The following ADAP1 variants were observed in gnomAD, a reference collection of about 807,000 sequenced individuals.
The protein encoded by ADAP1 is ArfGAP with dual PH domains 1.
Under a neutral mutation model 54.9 loss-of-function variants are expected in ADAP1, and 31 were observed. That is an observed-to-expected ratio of 0.56 (90% CI 0.42 to 0.76). The LOEUF (loss-of-function observed/expected upper bound fraction) is 0.76. Ranked by LOEUF, ADAP1 falls within the 30% of genes least tolerant of loss-of-function variation. ADAP1 has a pLI of 0.00. For missense variants in ADAP1, 535 were observed against 512.4 expected (o/e 1.04, Z -0.42); for synonymous variants, 313 against 202.6 (o/e 1.55, Z -4.63).
chr7:928,822 T>TTCCTCTGCACCGGTGC, intron 2 of ADAP1, among the ~76,000 whole-genome samples: 1 of 152,306 alleles, frequency 6.6e-6, no homozygotes, highest in Middle Eastern at 3.4e-3. Context: ...AGAGTTACCA[T>TTCCTCTGCACCGGTGC]AGAGTCCAGC....
rs560590970 is a variant in ADAP1 at position 920,701 on chromosome 7, G to T, written c.306-651C>A. On this transcript the variant is annotated intron_variant, in intron 3 of 10. Coordinates refer to ENST00000265846, the MANE Select transcript of ADAP1 (RefSeq NM_006869.4). The surrounding 1 kb of genome is among the most constrained non-coding windows in gnomAD (Gnocchi z 4.5). ...AGCCCCCGAGAGTAAAGCCCGGGACGAGGGCCCCCCACGGCACCCACTGAG... is the reference window on the plus strand; with the variant it reads ...AGCCCCCGAGAGTAAAGCCCGGGACTAGGGCCCCCCACGGCACCCACTGAG... The T allele has an allele frequency of 1.7e-6, 2 of 1,186,886 alleles. No homozygotes were observed. The highest frequency in any genetic ancestry group is 2.4e-6 in the Non-Finnish European group (2 of 849,086). The allele number at this position is 1,186,886 out of a possible 1,614,324, so 73.5% of individuals were successfully genotyped here.
Position 900,183 on chromosome 7 carries a change from G to C in ADAP1, c.733-19C>G. 1.2e-6 allele frequency: 2 copies of C among 1,612,910 alleles called. No homozygotes were observed. The highest frequency in any genetic ancestry group is 8.5e-7 in the Non-Finnish European group (1 of 1,179,870). ...GCACCAGCTAGGGCAGGACACACCA[G>C]GCAGGGGACCTCAGAAGTGCAGCTC... On this transcript the variant is annotated intron_variant, in intron 7 of 10. Coordinates refer to ENST00000265846, the MANE Select transcript of ADAP1 (RefSeq NM_006869.4).
At position 904,180 on chromosome 7, in the gene ADAP1, G is replaced by A. The variant is rs374403101; in HGVS notation, c.594C>T (p.Thr198=). ...KIGHPHGLQV[T]YLKDNSTRNI... Reference sequence around the variant, plus strand: ...TACGGGTGCTGTTGTCCTTCAGGTAGGTGACCTGCAGGCCGTGGGGGTGGC... The same window carrying A: ...TACGGGTGCTGTTGTCCTTCAGGTAAGTGACCTGCAGGCCGTGGGGGTGGC... Residue 198 remains threonine, a synonymous_variant, in exon 6 of 11, where the codon ACC becomes ACT. Transcript: ENST00000265846. 4.8e-5 allele frequency: 78 copies of A among 1,612,404 alleles called. No individual in the cohort carries two copies. In the African/African-American group the frequency reaches 7.6e-4, roughly 16 times the overall value.
At position 924,544 on chromosome 7, in the gene ADAP1, TGCCCTCCAGGTCCACGCTGCACCCCCC is replaced by T. The variant is rs1308410516; in HGVS notation, c.305+1982_305+2008del. 1.2e-3 allele frequency among the ~76,000 whole-genome samples: 100 copies of T among 86,132 alleles called. 2 individuals are homozygous for T. The highest frequency in any genetic ancestry group is 4.2e-3 in the African/African-American group (88 of 20,744). 56.5% of individuals were successfully genotyped at this position (86,132 alleles called of 152,430 possible). On this transcript the variant is annotated intron_variant, in intron 3 of 10. Coordinates refer to ENST00000265846, the MANE Select transcript of ADAP1 (RefSeq NM_006869.4). ...CACAGCAGGTCCACACTGCACCCCCTGCCCTCCAGGTCCACGCTGCACCCCCCGCCCTCCAAGTTATACTGCAGGTCC... is the reference window on the plus strand; with the variant it reads ...CACAGCAGGTCCACACTGCACCCCCTGCCCTCCAAGTTATACTGCAGGTCC...
chr7:918,864 G>A (rs1170329496), intron 4 of ADAP1, among the ~76,000 whole-genome samples: 1 of 152,210 alleles, frequency 6.6e-6, no homozygotes, highest in Non-Finnish European at 1.5e-5. Context: ...CCCGGCTGGG[G>A]GCTCCAACTC....
rs1331705352 is a variant in ADAP1, at chr7:920,102, GCACA to G, written c.306-56_306-53del. On this transcript the variant is annotated intron_variant, in intron 3 of 10. Transcript: ENST00000265846. The surrounding 1 kb of genome is among the most constrained non-coding windows in gnomAD (Gnocchi z 4.5). ...CTGGGCCAAGGCGGCCTCCGACCCA[GCACA>G]CGCCGCTCTCTGGCCCGGACCCTGG... is the stretch of plus-strand genomic sequence containing the variant. The G allele has an allele frequency of 1.8e-5, 27 of 1,535,654 alleles. No homozygotes were observed. Among genetic ancestry groups the G allele is most frequent in the Non-Finnish European group, 2.4e-5 (27 of 1,126,456 alleles).
chr7:911,947 C>T (rs1845741366), intron 4 of ADAP1, among the ~76,000 whole-genome samples: 1 of 152,114 alleles, frequency 6.6e-6, no homozygotes, highest in Non-Finnish European at 1.5e-5. Flanking sequence ...CCCAAACACC[C>T]GTCCCCTCAT....
chr7:938,910 C>T lies in ADAP1; in HGVS notation c.83-3405G>A, dbSNP rs902454971. Among the ~76,000 whole-genome samples the T allele has an allele frequency of 5.3e-5, 8 of 152,328 alleles. No individual in the cohort carries two copies. The highest frequency in any genetic ancestry group is 2.1e-4 in the South Asian group (1 of 4,826). On this transcript the variant is annotated intron_variant, in intron 1 of 10. Transcript: ENST00000265846. This position sits in a 1 kb window ranked among gnomAD's most constrained non-coding sequence, Gnocchi z 4.4. ...CTGAGCAACGGCCACCAACAGCTCC[C>T]GCCCAGCCCAGGGTCCAGAATGCCT...
intron 2 of ADAP1, chr7:935,061 G>C: frequency 1.9e-6 from 1 of 520,120 alleles, no homozygotes; most frequent in South Asian, 1.5e-5. Context: ...AGTGCTCCAG[G>C]TGTGGGGATT....
intron 1 of ADAP1, among the ~76,000 whole-genome samples, chr7:947,718 G>C (rs929806609): frequency 1.3e-5 from 2 of 152,116 alleles, no homozygotes; most frequent in African/African-American, 2.4e-5. Context: ...CACTGCAGCA[G>C]CGTCCCACCC....
intron 4 of ADAP1, among the ~76,000 whole-genome samples, chr7:906,701 AT>A (rs1845425583): frequency 1.7e-3 from 37 of 22,048 alleles, no homozygotes; most frequent in African/African-American, 7.0e-3. Context: ...GGACATGGAC[AT>A]GGGGGACGGG....
chr7:935,214 C>G, intron 2 of ADAP1, 161 bp downstream of exon 2: 1 of 1,027,896 alleles, frequency 9.7e-7, no homozygotes, highest in Non-Finnish European at 1.5e-6. Flanking sequence ...GGCGGAGCCG[C>G]TGGAGAGGGG....
At chr7:941,609 A>G (rs562971759) in intron 1 of ADAP1, among the ~76,000 whole-genome samples, 1 of 152,358 alleles carries the variant, frequency 6.6e-6, no homozygotes, top group Admixed American at 6.5e-5. Context: ...AACATAGGAC[A>G]CTGAAAACTA....
chr7:951,455 G>A (rs550981105), intron 1 of ADAP1, among the ~76,000 whole-genome samples: 68 of 152,184 alleles, frequency 4.5e-4, no homozygotes, highest in African/African-American at 1.6e-3. Flanking sequence ...CCCACACTCA[G>A]CAGCCTTCTT....
At chr7:937,166 G>A (rs1186877133) in intron 1 of ADAP1, among the ~76,000 whole-genome samples, 3 of 119,960 alleles carry the variant, frequency 2.5e-5, no homozygotes, top group African/African-American at 3.3e-5. Context: ...TGGGATTTGG[G>A]GGTCACGCCC....
chr7:898,817 C>A lies in ADAP1; in HGVS notation c.*104G>T. ...GGCCGCGCCGGGCTGCCCTGAGGAG[C>A]AGGTGGGGCCAGGTGGCCTCAGGAC... On this transcript the variant is annotated 3_prime_UTR_variant, in exon 11 of 11. Coordinates refer to ENST00000265846, the MANE Select transcript of ADAP1 (RefSeq NM_006869.4). 1 of 1,479,992 alleles carries A rather than the reference C, an allele frequency of 6.8e-7. No individual in the cohort carries two copies. Among genetic ancestry groups the A allele is most frequent in the South Asian group, 1.2e-5 (1 of 82,492 alleles). 91.7% of individuals were successfully genotyped at this position (1,479,992 alleles called of 1,614,324 possible).
Position 905,085 on chromosome 7 carries a change from G to C in ADAP1, c.476C>G (p.Ala159Gly), listed in dbSNP as rs775545837. The C allele has an allele frequency of 1.5e-5, 24 of 1,611,868 alleles. No homozygotes were observed. Among genetic ancestry groups the C allele is most frequent in the South Asian group, 2.2e-5 (2 of 91,094 alleles). The change falls in exon 5 of 11, where the codon GCT (alanine) becomes GGT (glycine). Residue 159 changes from alanine (A) to glycine (G), a missense_variant. By Grantham distance (60) the Ala-to-Gly change is moderately conservative. Coordinates refer to ENST00000265846, the MANE Select transcript of ADAP1 (RefSeq NM_006869.4). ...ATCATTTCTGTTGAAATACTTCAGA[G>C]CACCCTCTCGTTCTGTCAGCACAAA... ...RKFVLTEREGALKYFNRNDAK... is the reference protein window; with the variant it reads ...RKFVLTEREGGLKYFNRNDAK...
At chr7:905,309 G>C in intron 4 of ADAP1, 137 bp from the exon 5 acceptor site, 1 of 297,498 alleles carries the variant, frequency 3.4e-6, no homozygotes, top group Non-Finnish European at 5.8e-6. Flanking sequence ...AGGGGGAGAC[G>C]GACGGGGAGA....
intron 1 of ADAP1, among the ~76,000 whole-genome samples, chr7:947,542 C>T (rs1242391455): frequency 1.3e-5 from 2 of 152,044 alleles, no homozygotes; most frequent in Admixed American, 6.5e-5. Context: ...ACGTCCCCAT[C>T]TCAGCGAGTG....
Sources: allele counts gnomAD v4.1 joint callset (sites outside exome capture counted in the v4.1 genomes callset), GRCh38; gene constraint gnomAD v4.1.1; non-coding constraint Gnocchi (gnomAD v3.1); transcripts MANE v1.5; gene names NCBI Gene and HGNC (gene_info 2026-07-23, HGNC 2026-07-21).